Variants in UTRN observed in about 807,000 individuals in gnomAD.
UTRN encodes the protein dystrophin-related protein 1.
In UTRN, 283 loss-of-function variants were observed where a neutral mutation model predicts 463.9. The ratio of observed to expected loss-of-function variants is 0.61; its 90% confidence interval spans 0.55 to 0.67. The LOEUF (loss-of-function observed/expected upper bound fraction) is 0.67, where lower values mean the gene tolerates loss of function less well. Ranked by LOEUF, UTRN falls within the 30% of genes least tolerant of loss-of-function variation. The probability of loss-of-function intolerance (pLI) is 0.00; values close to 1 mark genes in which losing one functional copy is unlikely to be tolerated. For missense variants in UTRN, 3,922 were observed against 4,084.3 expected (o/e 0.96, Z 1.08); for synonymous variants, 1,442 against 1,431.5 (o/e 1.01, Z -0.17).
chr6:144,826,635 G>A (rs1198143057), intron 66 of UTRN, among the ~76,000 whole-genome samples: 1 of 152,074 alleles, frequency 6.6e-6, no homozygotes, highest in Admixed American at 6.6e-5. Context: ...CCAGACACAA[G>A]CCCCTGAGTC....
At chr6:144,700,452 A>G (rs1053600891) in intron 53 of UTRN, among the ~76,000 whole-genome samples, 3 of 152,142 alleles carry the variant, frequency 2.0e-5, no homozygotes, top group African/African-American at 7.2e-5. Context: ...TTTTTTTCAA[A>G]CACTACCAGT....
chr6:144,619,589 G>A (rs1397750394), intron 51 of UTRN, among the ~76,000 whole-genome samples: 2 of 152,192 alleles, frequency 1.3e-5, no homozygotes, highest in Non-Finnish European at 2.9e-5. Flanking sequence ...TTTATTCTAT[G>A]TGATTTATTT....
At chr6:144,425,948 G>A in intron 6 of UTRN, among the ~76,000 whole-genome samples, 1 of 152,200 alleles carries the variant, frequency 6.6e-6, no homozygotes, top group Middle Eastern at 3.4e-3. Flanking sequence ...TAATTGAAAA[G>A]GTCTTTGTAA....
chr6:144,553,141 G>A (rs990238427), intron 48 of UTRN, among the ~76,000 whole-genome samples: 6 of 152,128 alleles, frequency 3.9e-5, no homozygotes, highest in East Asian at 1.9e-4. Context: ...GGGATCCAGC[G>A]ATTCTCCTGC....
intron 41 of UTRN, among the ~76,000 whole-genome samples, chr6:144,528,151 C>T (rs1056356499): frequency 3.3e-5 from 5 of 151,202 alleles, no homozygotes; most frequent in Admixed American, 1.3e-4. Flanking sequence ...ATTCTCCTGC[C>T]TCAGCCTCCT....
chr6:144,736,125 G>C (rs983900004), intron 54 of UTRN, among the ~76,000 whole-genome samples: 1 of 151,968 alleles, frequency 6.6e-6, no homozygotes, highest in African/African-American at 2.4e-5. Context: ...ACAATGGCTG[G>C]TTTTACTTGT....
chr6:144,755,159 G>T (rs150843519), intron 57 of UTRN, among the ~76,000 whole-genome samples: 2,216 of 152,030 alleles, frequency 0.015, 54 homozygotes, highest in African/African-American at 0.051. Flanking sequence ...TAATTTTTCT[G>T]CTTAAAATGT....
rs61087655 is a variant in UTRN at position 144,322,735 on chromosome 6, G to A, written c.79+30828G>A. 8.5e-3 allele frequency among the ~76,000 whole-genome samples: 1,301 copies of A among 152,186 alleles called. 87 individuals are homozygous for A. The East Asian group carries it at 0.17, about 19-fold the overall frequency. ...GGGCGGATCACGAGGTCAGGAGATC[G>A]AGACCATCCTGGCTAACACATCCTG... is the stretch of plus-strand genomic sequence containing the variant. On this transcript the variant is annotated intron_variant, in intron 2 of 74. Transcript: ENST00000367545.
At chr6:144,353,467 G>A (rs543914043) in intron 2 of UTRN, among the ~76,000 whole-genome samples, 3 of 149,460 alleles carry the variant, frequency 2.0e-5, no homozygotes, top group African/African-American at 7.4e-5. Flanking sequence ...CTATTCCCAG[G>A]TTAGGGTCTT....
intron 2 of UTRN, among the ~76,000 whole-genome samples, chr6:144,307,679 G>A (rs1411064578): frequency 6.6e-6 from 1 of 152,118 alleles, no homozygotes; most frequent in Non-Finnish European, 1.5e-5. Context: ...AAGACACAAA[G>A]TTTGAAGGGC....
At chr6:144,629,280 G>GT (rs1776268758) in intron 51 of UTRN, among the ~76,000 whole-genome samples, 1 of 151,600 alleles carries the variant, frequency 6.6e-6, no homozygotes, top group African/African-American at 2.4e-5. Context: ...AGTGTACTGC[G>GT]TCCTAAATGA....
At chr6:144,836,755 T>G (rs1005923563) in intron 71 of UTRN, 1 of 692,698 alleles carries the variant, frequency 1.4e-6, no homozygotes, top group Non-Finnish European at 2.3e-6. Context: ...TACAATGGAA[T>G]TTCCCAGTCT....
Position 144,771,903 on chromosome 6 carries a change from C to G in UTRN, c.8496-4C>G, listed in dbSNP as rs777447199. ...ATTTTTAAAATTTTACCTTTTTTTT[C>G]CAGCCATCAAACACAGACCACCTGT... On this transcript the variant is annotated splice_polypyrimidine_tract_variant and splice_region_variant and intron_variant, in intron 58 of 74. Coordinates refer to ENST00000367545, the MANE Select transcript of UTRN (RefSeq NM_007124.3). The G allele has an allele frequency of 6.3e-7, 1 of 1,576,646 alleles. No individual in the cohort carries two copies. The highest frequency in any genetic ancestry group is 2.0e-5 in the Admixed American group (1 of 50,714).
rs60149713 is a variant in UTRN, at chr6:144,346,906, CATCT to C, written c.79+55011_79+55014del. On this transcript the variant is annotated intron_variant, in intron 2 of 74. Transcript: ENST00000367545. ...TCTATCTATCTATCTATCTATCTAT[CATCT>C]ATCTATCTATCGATCTCTATCTTTA... is the stretch of plus-strand genomic sequence containing the variant. Among the ~76,000 whole-genome samples, 1,339 of 141,090 alleles carry C rather than the reference CATCT, an allele frequency of 9.5e-3. 6 individuals are homozygous for C. The highest frequency in any genetic ancestry group is 0.011 in the Non-Finnish European group (737 of 67,378). The allele number at this position is 141,090 out of a possible 152,430, so 92.6% of individuals were successfully genotyped here. A position where few individuals can be genotyped will look rare whatever the true frequency, so the allele number is the denominator to read the frequency against.
intron 1 of UTRN, among the ~76,000 whole-genome samples, chr6:144,287,569 A>G (rs537197797): frequency 1.3e-5 from 2 of 152,238 alleles, no homozygotes; most frequent in Non-Finnish European, 2.9e-5. Flanking sequence ...TGCTATATAC[A>G]TAAAATATAG....
intron 53 of UTRN, among the ~76,000 whole-genome samples, chr6:144,701,102 T>C (rs373069221): frequency 2.2e-4 from 33 of 152,138 alleles, no homozygotes; most frequent in African/African-American, 7.2e-4. Context: ...AGACGGGATT[T>C]CACCATGTTG....
At chr6:144,525,332 G>T (rs1796475962) in intron 41 of UTRN, among the ~76,000 whole-genome samples, 2 of 151,910 alleles carry the variant, frequency 1.3e-5, no homozygotes, top group Non-Finnish European at 2.9e-5. Flanking sequence ...TTTTTTGCTG[G>T]TAATTTTTTA....
intron 27 of UTRN, 151 bp from the exon 28 acceptor site, chr6:144,485,234 T>C: frequency 2.4e-6 from 3 of 1,225,248 alleles, no homozygotes; most frequent in South Asian, 3.1e-5. Flanking sequence ...GATTTTATTT[T>C]ATTTTTTTGA....
intron 64 of UTRN, among the ~76,000 whole-genome samples, chr6:144,800,762 G>A (rs752374624): frequency 1.9e-4 from 29 of 149,162 alleles, no homozygotes; most frequent in South Asian, 2.2e-4. Context: ...TAGTGTGATA[G>A]TAGCTAAACC....
Sources: allele counts gnomAD v4.1 joint callset (sites outside exome capture counted in the v4.1 genomes callset), GRCh38; gene constraint gnomAD v4.1.1; transcripts MANE v1.5; gene names NCBI Gene and HGNC (gene_info 2026-07-23, HGNC 2026-07-21).